The following PIEZO2 variants were observed in gnomAD, a reference collection of about 807,000 sequenced individuals.
PIEZO2 encodes the protein piezo-type mechanosensitive ion channel component 2.
Under a neutral mutation model 337.3 loss-of-function variants are expected in PIEZO2, and 172 were observed. That is an observed-to-expected ratio of 0.51 (90% CI 0.45 to 0.58). The LOEUF (loss-of-function observed/expected upper bound fraction) is 0.58. Ranked by LOEUF, PIEZO2 falls within the 20% of genes least tolerant of loss-of-function variation. PIEZO2 has a pLI of 0.00. For missense variants in PIEZO2, 3,028 were observed against 3,391.3 expected, an observed-to-expected ratio of 0.89 and a Z score of 2.66; for synonymous variants, 1,251 against 1,228.5, an observed-to-expected ratio of 1.02 and a Z score of -0.38.
At chr18:11,008,099 G>A (rs1332896139) in intron 2 of PIEZO2, among the ~76,000 whole-genome samples, 1 of 152,060 alleles carries the variant, frequency 6.6e-6, no homozygotes, top group Non-Finnish European at 1.5e-5. Context: ...GAAAACATAA[G>A]CCTGGGAATC....
chr18:10,959,817 T>G (rs1379639754), intron 3 of PIEZO2, among the ~76,000 whole-genome samples: 4 of 152,228 alleles, frequency 2.6e-5, no homozygotes, highest in Non-Finnish European at 5.9e-5. Context: ...TTAAATAAAT[T>G]ACGTAAACTT....
rs145206470 is a variant in PIEZO2 at position 11,125,405 on chromosome 18, T to C, written c.64+23120A>G. Among the ~76,000 whole-genome samples the C allele has an allele frequency of 2.9e-3, 440 of 152,344 alleles. 1 individual carries two copies. Among genetic ancestry groups the C allele is most frequent in the African/African-American group, 9.9e-3 (411 of 41,566 alleles). On this transcript the variant is annotated intron_variant, in intron 1 of 55. Coordinates refer to ENST00000674853, the MANE Select transcript of PIEZO2 (RefSeq NM_001378183.1). The surrounding 1 kb of genome is among the most constrained non-coding windows in gnomAD (Gnocchi z 4.4). ...AATTTTAAAATCCAACTTTTGCCAT[T>C]ATCTGAAGATACTTGAGAAAGGAAA...
chr18:10,911,647 C>T (rs1291070511), intron 3 of PIEZO2, among the ~76,000 whole-genome samples: 3 of 152,062 alleles, frequency 2.0e-5, no homozygotes, highest in Admixed American at 6.6e-5. Flanking sequence ...CCCAGCTACT[C>T]GGAAGACTGA....
At chr18:10,811,159 C>T (rs926166815) in intron 7 of PIEZO2, among the ~76,000 whole-genome samples, 25 of 152,138 alleles carry the variant, frequency 1.6e-4, no homozygotes, top group Non-Finnish European at 3.1e-4. Context: ...TCTTTGTTGT[C>T]GCTGGTTGTT....
At chr18:10,963,233 T>C (rs1231203613) in intron 3 of PIEZO2, among the ~76,000 whole-genome samples, 1 of 151,648 alleles carries the variant, frequency 6.6e-6, no homozygotes, top group African/African-American at 2.4e-5. Flanking sequence ...TGCAGTGAGC[T>C]GAGACTGCGC....
rs760341535 is a variant in PIEZO2, at chr18:10,759,816, G to T, written c.3544C>A (p.Arg1182Ser). ...ATCTCTGCGATGGCTTTCCTTCTGC[G>T]TCTATATAAGACAGCGATCAGCCAG... ...ACWLIAVLYRRRRKAIAEIWP... is the reference protein window; with the variant it reads ...ACWLIAVLYRSRRKAIAEIWP... Residue 1182 changes from arginine (R) to serine (S), a missense_variant, in exon 25 of 56, where the codon CGC becomes AGC. Coordinates refer to ENST00000674853, the MANE Select transcript of PIEZO2 (RefSeq NM_001378183.1). This position sits in a 1 kb window ranked among gnomAD's most constrained non-coding sequence, Gnocchi z 5.5. 6.5e-7 allele frequency: 1 copy of T among 1,537,334 alleles called. No homozygotes were observed. The highest frequency in any genetic ancestry group is 8.7e-7 in the Non-Finnish European group (1 of 1,146,932).
chr18:10,987,957 T>C (rs983995394), intron 2 of PIEZO2, among the ~76,000 whole-genome samples: 31 of 152,224 alleles, frequency 2.0e-4, no homozygotes, highest in African/African-American at 7.5e-4. Flanking sequence ...TCACTAATTA[T>C]GAAGGAAATG....
chr18:11,039,784 T>C (rs1008090473), intron 2 of PIEZO2, among the ~76,000 whole-genome samples: 3 of 146,662 alleles, frequency 2.0e-5, no homozygotes, highest in Non-Finnish European at 4.6e-5. Flanking sequence ...ACAAAATTTC[T>C]TCCCCTTTTC....
chr18:10,891,513 A>G (rs952199487), intron 4 of PIEZO2, among the ~76,000 whole-genome samples: 13 of 152,216 alleles, frequency 8.5e-5, no homozygotes, highest in African/African-American at 3.1e-4. Context: ...TGTTACATAC[A>G]TGATGTACCG....
intron 1 of PIEZO2, among the ~76,000 whole-genome samples, chr18:11,118,366 C>T (rs943646461): frequency 6.6e-6 from 1 of 152,184 alleles, no homozygotes; most frequent in Non-Finnish European, 1.5e-5. Flanking sequence ...TTCCACTGCA[C>T]AAATGATTGA....
At chr18:10,730,590 T>A (rs536236885) in intron 36 of PIEZO2, among the ~76,000 whole-genome samples, 26 of 152,314 alleles carry the variant, frequency 1.7e-4, no homozygotes, top group African/African-American at 6.0e-4. Flanking sequence ...CCCTTAGAGA[T>A]GTGTTTATAT....
At chr18:10,780,513 TGAA>T (rs2038942189) in intron 17 of PIEZO2, 147 bp from the exon 18 acceptor site, 2 of 608,362 alleles carry the variant, frequency 3.3e-6, no homozygotes, top group African/African-American at 3.7e-5. Flanking sequence ...CTTCATGCCT[TGAA>T]GAAGAGTCTA....
intron 1 of PIEZO2, among the ~76,000 whole-genome samples, chr18:11,137,813 T>C (rs2040533562): frequency 6.6e-6 from 1 of 152,216 alleles, no homozygotes. Flanking sequence ...GTGGCCAAAC[T>C]GCTGCCCTAG....
intron 1 of PIEZO2, among the ~76,000 whole-genome samples, chr18:11,103,928 C>T (rs543574605): frequency 3.9e-5 from 6 of 152,056 alleles, no homozygotes; most frequent in Admixed American, 1.3e-4. Context: ...TGGGTTCAAG[C>T]GATTCTCCTG....
chr18:11,034,963 G>C (rs764538335), intron 2 of PIEZO2, among the ~76,000 whole-genome samples: 6 of 152,226 alleles, frequency 3.9e-5, no homozygotes, highest in Non-Finnish European at 5.9e-5. Context: ...CTGCCAGACA[G>C]GTTCCTTTTC....
At chr18:11,025,640 T>G (rs1041022170) in intron 2 of PIEZO2, among the ~76,000 whole-genome samples, 1 of 152,182 alleles carries the variant, frequency 6.6e-6, no homozygotes, top group Non-Finnish European at 1.5e-5. Flanking sequence ...AATGAAAAGA[T>G]TCTCTCTGTT....
intron 1 of PIEZO2, among the ~76,000 whole-genome samples, chr18:11,103,812 TGTGTGCGTGTGTGC>T (rs1480349855): frequency 4.0e-5 from 6 of 151,508 alleles, no homozygotes; most frequent in Non-Finnish European, 8.8e-5. Context: ...TGTGTGTGCG[TGTGTGCGTGTGTGC>T]GTGTGTGTGT....
rs2039717427 is a variant in PIEZO2 at position 11,111,085 on chromosome 18, TAGGGAGGTGCCTGCCTCAGTGCCTA to T, written c.64+37415_64+37439del. Among the ~76,000 whole-genome samples, 1 of 152,108 alleles carries T rather than the reference TAGGGAGGTGCCTGCCTCAGTGCCTA, an allele frequency of 6.6e-6. No homozygotes were observed. Among genetic ancestry groups the T allele is most frequent in the Admixed American group, 6.5e-5 (1 of 15,280 alleles). ...ACAGACAGGGAGCCTCCCCAAGCAC[TAGGGAGGTGCCTGCCTCAGTGCCTA>T]CAGATGCTTCTTCAGGCCCAGGAGC... On this transcript the variant is annotated intron_variant, in intron 1 of 55. Transcript: ENST00000674853. The surrounding 1 kb of genome is among the most constrained non-coding windows in gnomAD (Gnocchi z 6.2).
chr18:10,959,439 T>C (rs968636593), intron 3 of PIEZO2, among the ~76,000 whole-genome samples: 1 of 152,176 alleles, frequency 6.6e-6, no homozygotes, highest in African/African-American at 2.4e-5. Flanking sequence ...TCCAAGTTCA[T>C]TAATAATACA....
Sources: gnomAD v4.1 joint callset for allele counts (sites outside exome capture counted in the v4.1 genomes callset) on GRCh38, gnomAD v4.1.1 for gene constraint, Gnocchi (gnomAD v3.1) non-coding constraint, MANE v1.5 for transcripts, NCBI Gene and HGNC (gene_info 2026-07-23, HGNC 2026-07-21) for gene names.